JAZF1: variants seen among roughly 807,000 people sequenced by gnomAD.
The protein encoded by JAZF1 is JAZF zinc finger 1, also known as juxtaposed with another zinc finger protein 1.
JAZF1 carries 8 observed loss-of-function variants against 26.4 expected under a neutral mutation model. That is an observed-to-expected ratio of 0.30 (90% CI 0.18 to 0.55). JAZF1 has a LOEUF of 0.55. Among genes scored for constraint, JAZF1 ranks in the 20% least tolerant of loss-of-function variants. The pLI, the probability that JAZF1 is intolerant of heterozygous loss-of-function variation, is 0.94. For missense variants in JAZF1, 199 were observed against 322.0 expected, an observed-to-expected ratio of 0.62 and a Z score of 2.92; for synonymous variants, 126 against 122.3, an observed-to-expected ratio of 1.03 and a Z score of -0.20.
At chr7:27,918,509 G>T (rs1784479797) in intron 2 of JAZF1, among the ~76,000 whole-genome samples, 1 of 152,176 alleles carries the variant, frequency 6.6e-6, no homozygotes, top group Non-Finnish European at 1.5e-5. Flanking sequence ...ACCATCTTGA[G>T]CAAAGGAGGA....
intron 2 of JAZF1, among the ~76,000 whole-genome samples, chr7:27,940,110 C>T (rs1052147932): frequency 6.6e-6 from 1 of 152,202 alleles, no homozygotes; most frequent in African/African-American, 2.4e-5. Context: ...CTGCCCTCCT[C>T]TCACCTGCTC....
intron 1 of JAZF1, among the ~76,000 whole-genome samples, chr7:28,115,938 A>G (rs1441656765): frequency 6.6e-6 from 1 of 152,152 alleles, no homozygotes; most frequent in Non-Finnish European, 1.5e-5. Context: ...ATTTAATAAC[A>G]TATCTTGGAG....
At chr7:27,987,174 G>T (rs13231843) in intron 2 of JAZF1, among the ~76,000 whole-genome samples, 6 of 150,604 alleles carry the variant, frequency 4.0e-5, no homozygotes, top group Admixed American at 4.0e-4. Flanking sequence ...AGTGAGGAGC[G>T]CCTCTTCCCG....
Position 27,832,689 on chromosome 7 carries a change from T to G in JAZF1, c.*111A>C. On this transcript the variant is annotated 3_prime_UTR_variant, in exon 5 of 5. Transcript: ENST00000283928. ...TACAGAAAAAATTTAAAGCATGCATTTAATTCTTTTTCTTTAAAGGGTTGC... is the reference window on the plus strand; with the variant it reads ...TACAGAAAAAATTTAAAGCATGCATGTAATTCTTTTTCTTTAAAGGGTTGC... 1 of 863,858 alleles carries G rather than the reference T, an allele frequency of 1.2e-6. No homozygotes were observed. The highest frequency in any genetic ancestry group is 1.7e-6 in the Non-Finnish European group (1 of 577,980). 53.5% of individuals were successfully genotyped at this position (863,858 alleles called of 1,614,324 possible). A position where few individuals can be genotyped will look rare whatever the true frequency, so the allele number is the denominator to read the frequency against.
chr7:27,834,498 CCTT>C (rs1413503791), intron 4 of JAZF1, among the ~76,000 whole-genome samples: 1 of 152,234 alleles, frequency 6.6e-6, no homozygotes, highest in Non-Finnish European at 1.5e-5. Context: ...TGGCTCCAGG[CCTT>C]CTGCACCTCA....
chr7:28,042,963 T>C (rs1431367027), intron 1 of JAZF1, among the ~76,000 whole-genome samples: 2 of 152,194 alleles, frequency 1.3e-5, no homozygotes, highest in East Asian at 1.9e-4. Context: ...TTAAGTGATA[T>C]ATGACTGTAT....
chr7:27,831,179 C>CTT lies in JAZF1; in HGVS notation c.*1619_*1620dup, dbSNP rs1782686186. 4.5e-6 allele frequency: 1 copy of CTT among 222,694 alleles called. No individual in the cohort carries two copies. Among genetic ancestry groups the CTT allele is most frequent in the Admixed American group, 5.7e-5 (1 of 17,420 alleles). The allele number at this position is 222,694 out of a possible 1,614,324, so 13.8% of individuals were successfully genotyped here. On this transcript the variant is annotated 3_prime_UTR_variant, in exon 5 of 5. Transcript: ENST00000283928. ...TTAGAGGGCAGTGTTTTTATAAATA[C>CTT]TTTGAATCCCTCATAATGAAGGATT...
At chr7:27,875,802 A>C (rs999903496) in intron 3 of JAZF1, among the ~76,000 whole-genome samples, 1 of 152,214 alleles carries the variant, frequency 6.6e-6, no homozygotes, top group Non-Finnish European at 1.5e-5. Flanking sequence ...GTAAGCACTC[A>C]GATGTTTGTT....
chr7:28,049,674 G>A (rs902666850), intron 1 of JAZF1, among the ~76,000 whole-genome samples: 1 of 152,118 alleles, frequency 6.6e-6, no homozygotes, highest in Non-Finnish European at 1.5e-5. Context: ...TAAATAGGAA[G>A]CTCTCTTCAG....
chr7:27,938,276 T>G (rs952259013), intron 2 of JAZF1, among the ~76,000 whole-genome samples: 17 of 152,234 alleles, frequency 1.1e-4, no homozygotes, highest in South Asian at 2.1e-4. Context: ...TTAGGTTATA[T>G]TGTATCCAGG....
chr7:27,928,369 C>T (rs1236078136), intron 2 of JAZF1, among the ~76,000 whole-genome samples: 1 of 152,208 alleles, frequency 6.6e-6, no homozygotes, highest in Non-Finnish European at 1.5e-5. Context: ...TTTTGAATCA[C>T]ATTGCATTAA....
chr7:28,000,595 TC>T (rs1786127228), intron 1 of JAZF1, among the ~76,000 whole-genome samples: 1 of 95,884 alleles, frequency 1.0e-5, no homozygotes, highest in Non-Finnish European at 2.5e-5. Flanking sequence ...GCTCCTATTT[TC>T]TTTTTCTTTC....
intron 2 of JAZF1, among the ~76,000 whole-genome samples, chr7:27,924,187 T>G (rs1334889234): frequency 6.6e-6 from 1 of 152,172 alleles, no homozygotes; most frequent in African/African-American, 2.4e-5. Context: ...CAAGCAATTC[T>G]CTGCTTCAGC....
chr7:27,979,366 ATTTTTTTTTTTTTTTT>A (rs55737757), intron 2 of JAZF1, among the ~76,000 whole-genome samples: 7,315 of 58,474 alleles, frequency 0.13, 426 homozygotes, highest in African/African-American at 0.21. Flanking sequence ...GGTACACTAC[ATTTTTTTTTTTTTTTT>A]TTTTTTTTTT....
chr7:27,872,278 GAAC>G (rs1217480971), intron 3 of JAZF1, among the ~76,000 whole-genome samples: 7 of 152,188 alleles, frequency 4.6e-5, no homozygotes, highest in Non-Finnish European at 8.8e-5. Flanking sequence ...ACCACTTGCA[GAAC>G]AACAACAAAA....
chr7:27,840,986 AG>A lies in JAZF1; in HGVS notation c.386-120del. The A allele has an allele frequency of 1.0e-6, 1 of 1,002,442 alleles. No homozygotes were observed. The highest frequency in any genetic ancestry group is 1.5e-6 in the Non-Finnish European group (1 of 675,982). The allele number at this position is 1,002,442 out of a possible 1,614,324, so 62.1% of individuals were successfully genotyped here. A position where few individuals can be genotyped will look rare whatever the true frequency, so the allele number is the denominator to read the frequency against. On this transcript the variant is annotated intron_variant, in intron 3 of 4. Transcript: ENST00000283928. This position sits in a 1 kb window ranked among gnomAD's most constrained non-coding sequence, Gnocchi z 5.1. ...AGAGCAGCGCTGACGGCCCAGGGAG[AG>A]GGCACTCCCGGCACCAGGGGACTGC...
At chr7:27,997,707 G>C (rs1446536380) in intron 1 of JAZF1, among the ~76,000 whole-genome samples, 2 of 151,964 alleles carry the variant, frequency 1.3e-5, no homozygotes, top group Non-Finnish European at 2.9e-5. Flanking sequence ...AGATAGGACT[G>C]CAGGTGTGCA....
intron 1 of JAZF1, among the ~76,000 whole-genome samples, chr7:28,039,672 T>C (rs1783356143): frequency 2.6e-5 from 4 of 152,194 alleles, no homozygotes; most frequent in African/African-American, 9.7e-5. Flanking sequence ...AATTATCGCA[T>C]AACTAAAGAG....
intron 1 of JAZF1, among the ~76,000 whole-genome samples, chr7:28,168,290 G>A (rs1783399174): frequency 6.6e-6 from 1 of 151,454 alleles, no homozygotes; most frequent in Non-Finnish European, 1.5e-5. Flanking sequence ...GCTGAGACAG[G>A]AGAATGGTGT....
Sources: gnomAD v4.1 joint callset for allele counts (sites outside exome capture counted in the v4.1 genomes callset) on GRCh38, gnomAD v4.1.1 for gene constraint, Gnocchi (gnomAD v3.1) non-coding constraint, MANE v1.5 for transcripts, NCBI Gene and HGNC (gene_info 2026-07-23, HGNC 2026-07-21) for gene names.